Variants in ROBO2 observed in about 807,000 individuals in gnomAD.
ROBO2 encodes the protein roundabout guidance receptor 2.
Under a neutral mutation model 160.8 loss-of-function variants are expected in ROBO2, and 53 were observed. The ratio of observed to expected loss-of-function variants is 0.33; its 90% confidence interval spans 0.26 to 0.41. The LOEUF (loss-of-function observed/expected upper bound fraction) is 0.41. Ranked by LOEUF, ROBO2 falls within the 10% of genes least tolerant of loss-of-function variation. ROBO2 has a pLI of 1.00. For synonymous variants in ROBO2, 664 were observed against 611.7 expected (o/e 1.09, Z -1.26); for missense variants, 1,577 against 1,722.4 (o/e 0.92, Z 1.49).
intron 2 of ROBO2, among the ~76,000 whole-genome samples, chr3:76,606,483 A>C (rs999931359): frequency 6.6e-6 from 1 of 152,218 alleles, no homozygotes; most frequent in African/African-American, 2.4e-5. Context: ...CAGCCTTTTG[A>C]TAAAAGAAGG....
chr3:76,397,923 C>A (rs373813285), intron 2 of ROBO2, among the ~76,000 whole-genome samples: 1 of 151,888 alleles, frequency 6.6e-6, no homozygotes, highest in Non-Finnish European at 1.5e-5. Flanking sequence ...GTGGCGATTC[C>A]TCAGGGATCT....
chr3:77,023,009 C>CT (rs1223847768), intron 2 of ROBO2, among the ~76,000 whole-genome samples: 2 of 152,114 alleles, frequency 1.3e-5, no homozygotes, highest in Non-Finnish European at 2.9e-5. Flanking sequence ...ATAAATTTGA[C>CT]TACTCTAGGA....
chr3:77,313,988 T>G (rs1422366489), intron 2 of ROBO2, among the ~76,000 whole-genome samples: 1 of 152,214 alleles, frequency 6.6e-6, no homozygotes, highest in Non-Finnish European at 1.5e-5. Flanking sequence ...TGCTCTGGCA[T>G]AAGTATTGAC....
intron 2 of ROBO2, among the ~76,000 whole-genome samples, chr3:76,524,864 A>AAAT (rs2081857800): frequency 1.6e-5 from 2 of 123,382 alleles, no homozygotes; most frequent in African/African-American, 3.3e-5. Context: ...AAAAAAAAAA[A>AAAT]AATAAGTAAA....
intron 2 of ROBO2, among the ~76,000 whole-genome samples, chr3:76,512,894 A>G (rs947064052): frequency 3.9e-5 from 6 of 152,182 alleles, no homozygotes; most frequent in African/African-American, 9.7e-5. Flanking sequence ...CTCAACCCGT[A>G]TGTGCTAACC....
chr3:76,360,678 G>C (rs537501705), intron 2 of ROBO2, among the ~76,000 whole-genome samples: 1 of 152,156 alleles, frequency 6.6e-6, no homozygotes, highest in South Asian at 2.1e-4. Context: ...TTTAAAGCCA[G>C]GTATAGTCAT....
intron 2 of ROBO2, among the ~76,000 whole-genome samples, chr3:77,102,969 G>T (rs1039310165): frequency 1.4e-4 from 22 of 151,992 alleles, no homozygotes; most frequent in Non-Finnish European, 2.9e-4. Flanking sequence ...GAGTTAATAA[G>T]CAAGAGGCCT....
At chr3:76,499,968 C>T (rs2080369738) in intron 2 of ROBO2, among the ~76,000 whole-genome samples, 1 of 151,872 alleles carries the variant, frequency 6.6e-6, no homozygotes, top group Non-Finnish European at 1.5e-5. Flanking sequence ...GTTTGGCCAA[C>T]TTTATTTACA....
chr3:77,369,999 C>T (rs534805298), intron 2 of ROBO2, among the ~76,000 whole-genome samples: 1 of 152,144 alleles, frequency 6.6e-6, no homozygotes, highest in Non-Finnish European at 1.5e-5. Flanking sequence ...TGTTTAAATA[C>T]ATTGTAGATG....
intron 2 of ROBO2, among the ~76,000 whole-genome samples, chr3:76,934,291 T>C (rs1051790305): frequency 1.3e-5 from 2 of 152,224 alleles, no homozygotes; most frequent in Non-Finnish European, 2.9e-5. Context: ...AGAAAATGTT[T>C]CTTTCAAAAC....
chr3:76,235,076 G>A (rs537911275), intron 2 of ROBO2, among the ~76,000 whole-genome samples: 1 of 152,216 alleles, frequency 6.6e-6, no homozygotes, highest in African/African-American at 2.4e-5. Context: ...CAAAGGGTGG[G>A]TAAGTTGTAG....
chr3:77,386,603 A>ATTTTTTTTTTTTTTTTT lies in ROBO2; in HGVS notation c.389-90810_389-90794dup, dbSNP rs71104679. On this transcript the variant is annotated intron_variant, in intron 2 of 25. Coordinates refer to ENST00000461745, the Ensembl canonical transcript of ROBO2. ...AGTTAATTATTTTTTCAGCCAGGTA[A>ATTTTTTTTTTTTTTTTT]TTTTTTTTTTTTTTTTTGAAATAGA... Among the ~76,000 whole-genome samples the ATTTTTTTTTTTTTTTTT allele has an allele frequency of 1.4e-4, 13 of 91,892 alleles. 1 individual carries two copies. Among genetic ancestry groups the ATTTTTTTTTTTTTTTTT allele is most frequent in the South Asian group, 5.0e-4 (1 of 2,012 alleles). The allele number at this position is 91,892 out of a possible 152,430, so 60.3% of individuals were successfully genotyped here.
At position 77,300,183 on chromosome 3, in the gene ROBO2, ATT is replaced by A. The variant is rs199652959; in HGVS notation, c.389-177213_389-177212del. Among the ~76,000 whole-genome samples, 507 of 143,244 alleles carry A rather than the reference ATT, an allele frequency of 3.5e-3. 2 individuals are homozygous for A. The highest frequency in any genetic ancestry group is 0.021 in the Middle Eastern group (6 of 286). The allele number at this position is 143,244 out of a possible 152,430, so 94.0% of individuals were successfully genotyped here. A position where few individuals can be genotyped will look rare whatever the true frequency, so the allele number is the denominator to read the frequency against. On this transcript the variant is annotated intron_variant, in intron 2 of 25. Coordinates refer to ENST00000461745, the Ensembl canonical transcript of ROBO2. Reference sequence around the variant, plus strand: ...AATAAATTGTGCAGTAGGGAAATGAATTTTTTTTTTTTTTTTTTTACTGCTCT... The same window carrying A: ...AATAAATTGTGCAGTAGGGAAATGAATTTTTTTTTTTTTTTTTACTGCTCT...
chr3:76,109,334 A>G (rs1457098073), intron 2 of ROBO2, among the ~76,000 whole-genome samples: 1 of 152,118 alleles, frequency 6.6e-6, no homozygotes, highest in African/African-American at 2.4e-5. Context: ...ACCTTTTAAA[A>G]AAACTAAAGA....
At chr3:77,165,461 G>A (rs2078987426) in intron 2 of ROBO2, among the ~76,000 whole-genome samples, 1 of 147,912 alleles carries the variant, frequency 6.8e-6, no homozygotes, top group South Asian at 2.2e-4. Flanking sequence ...GAAAACCAGA[G>A]ACCTTTGTTC....
chr3:77,525,838 T>A (rs538026353), intron 6 of ROBO2, among the ~76,000 whole-genome samples: 1 of 151,320 alleles, frequency 6.6e-6, no homozygotes, highest in East Asian at 1.9e-4. Context: ...TTTTTGTTTC[T>A]GAAGGAAACA....
chr3:76,995,930 T>C (rs2060975255), intron 2 of ROBO2, among the ~76,000 whole-genome samples: 1 of 152,194 alleles, frequency 6.6e-6, no homozygotes, highest in African/African-American at 2.4e-5. Flanking sequence ...TAGTTTCTTT[T>C]GCTGTGCAGA....
chr3:76,626,207 G>A (rs534905675), intron 2 of ROBO2, among the ~76,000 whole-genome samples: 16 of 152,166 alleles, frequency 1.1e-4, no homozygotes, highest in Non-Finnish European at 1.6e-4. Flanking sequence ...TTTTGAGGGA[G>A]AAGATCAGGA....
intron 2 of ROBO2, among the ~76,000 whole-genome samples, chr3:76,496,992 A>C (rs2080183215): frequency 6.6e-6 from 1 of 152,132 alleles, no homozygotes; most frequent in Non-Finnish European, 1.5e-5. Flanking sequence ...CAAACTCTAC[A>C]AACTTCCCAT....
Sources: gnomAD v4.1 joint callset for allele counts (sites outside exome capture counted in the v4.1 genomes callset) on GRCh38, gnomAD v4.1.1 for gene constraint, MANE v1.5 for transcripts, NCBI Gene and HGNC (gene_info 2026-07-23, HGNC 2026-07-21) for gene names.